The following ASTN1 variants were observed in gnomAD, a reference collection of about 807,000 sequenced individuals.
ASTN1 encodes the protein astrotactin 1.
A neutral mutation model predicts 140.7 loss-of-function variants in ASTN1; 41 were observed. That is an observed-to-expected ratio of 0.29 (90% CI 0.23 to 0.38). The LOEUF (loss-of-function observed/expected upper bound fraction) is 0.38, where lower values mean the gene tolerates loss of function less well. ASTN1 is among the 10% of genes least tolerant of loss of function. The pLI, the probability that ASTN1 is intolerant of heterozygous loss-of-function variation, is 1.00. For missense variants in ASTN1, 1,479 were observed against 1,678.8 expected (o/e 0.88, Z 2.08); for synonymous variants, 640 against 652.2 (o/e 0.98, Z 0.29).
chr1:177,050,685 T>C (rs1677497587), intron 2 of ASTN1, among the ~76,000 whole-genome samples: 1 of 152,198 alleles, frequency 6.6e-6, no homozygotes, highest in Non-Finnish European at 1.5e-5. Context: ...GTGTCACAGC[T>C]AATTTTATAA....
intron 1 of ASTN1, among the ~76,000 whole-genome samples, chr1:177,142,301 C>T (rs977098522): frequency 9.9e-5 from 15 of 151,262 alleles, no homozygotes; most frequent in Admixed American, 7.9e-4. Context: ...GCCTGTAGTA[C>T]CAGCAGTTGT....
chr1:176,903,867 T>C (rs1172103585), intron 16 of ASTN1, among the ~76,000 whole-genome samples: 2 of 152,126 alleles, frequency 1.3e-5, no homozygotes, highest in African/African-American at 2.4e-5. Flanking sequence ...TAGGGAAATA[T>C]CCTTCTTTGT....
chr1:177,093,941 C>A (rs937082501), intron 1 of ASTN1, among the ~76,000 whole-genome samples: 2 of 151,866 alleles, frequency 1.3e-5, no homozygotes, highest in Non-Finnish European at 2.9e-5. Flanking sequence ...GTTTTGGGTT[C>A]AGATCTACAT....
chr1:177,024,772 G>T (rs541109416), intron 5 of ASTN1, 40 bp from the exon 6 acceptor site: 1 of 1,595,766 alleles, frequency 6.3e-7, no homozygotes, highest in African/African-American at 1.3e-5. Flanking sequence ...GTGGTAAAAA[G>T]CTTGGCATTG....
At chr1:177,131,900 CA>C (rs1681961633) in intron 1 of ASTN1, among the ~76,000 whole-genome samples, 1 of 152,114 alleles carries the variant, frequency 6.6e-6, no homozygotes, top group African/African-American at 2.4e-5. Flanking sequence ...CTCTTTTTAA[CA>C]ATCAGCTTCT....
At chr1:176,964,966 A>G (rs775266977) in intron 9 of ASTN1, among the ~76,000 whole-genome samples, 197 bp downstream of exon 9, 3 of 152,174 alleles carry the variant, frequency 2.0e-5, no homozygotes, top group Non-Finnish European at 2.9e-5. Flanking sequence ...CCAGGGCCCA[A>G]ACAGAATCTG....
chr1:176,880,224 C>T (rs966588982), intron 20 of ASTN1, among the ~76,000 whole-genome samples: 17 of 152,320 alleles, frequency 1.1e-4, no homozygotes, highest in South Asian at 4.1e-4. Context: ...CGACACAGAA[C>T]AGCTCTGCTT....
At chr1:176,884,109 G>A (rs1668925561) in intron 19 of ASTN1, among the ~76,000 whole-genome samples, 1 of 152,136 alleles carries the variant, frequency 6.6e-6, no homozygotes, top group South Asian at 2.1e-4. Context: ...ATCAAAACAA[G>A]GCTTTGTCAG....
At chr1:177,126,315 G>A (rs1240586762) in intron 1 of ASTN1, among the ~76,000 whole-genome samples, 3 of 152,168 alleles carry the variant, frequency 2.0e-5, no homozygotes, top group Admixed American at 2.0e-4. Context: ...TGCTGCTTAG[G>A]AATAGCTACT....
intron 20 of ASTN1, among the ~76,000 whole-genome samples, chr1:176,877,149 G>C (rs971366111): frequency 2.6e-5 from 4 of 152,236 alleles, no homozygotes; most frequent in African/African-American, 9.6e-5. Flanking sequence ...GTGAATGCCT[G>C]TGAAATGGAG....
intron 14 of ASTN1, among the ~76,000 whole-genome samples, chr1:176,942,854 A>ATG (rs1671793308): frequency 1.1e-5 from 1 of 91,256 alleles, no homozygotes; most frequent in African/African-American, 3.9e-5. Context: ...ATATATATAT[A>ATG]TATATATATA....
At chr1:177,119,166 G>A (rs181230535) in intron 1 of ASTN1, among the ~76,000 whole-genome samples, 290 of 152,224 alleles carry the variant, frequency 1.9e-3, no homozygotes, top group African/African-American at 6.9e-3. Flanking sequence ...TTCTTTGGCT[G>A]TGTGTATTCC....
intron 8 of ASTN1, among the ~76,000 whole-genome samples, chr1:176,987,585 A>G (rs764120592): frequency 1.3e-5 from 2 of 152,210 alleles, no homozygotes; most frequent in Non-Finnish European, 2.9e-5. Context: ...CTCTCCTGTC[A>G]GGATCCATTG....
At chr1:176,867,678 G>C (rs1356483988) in intron 22 of ASTN1, among the ~76,000 whole-genome samples, 1 of 152,128 alleles carries the variant, frequency 6.6e-6, no homozygotes, top group African/African-American at 2.4e-5. Context: ...TATTTCAGGA[G>C]ATAAACCTAA....
At chr1:177,057,065 T>C (rs1677842232) in intron 2 of ASTN1, among the ~76,000 whole-genome samples, 1 of 152,216 alleles carries the variant, frequency 6.6e-6, no homozygotes, top group Non-Finnish European at 1.5e-5. Context: ...GTTTGAATCA[T>C]GCAAGGAGGT....
intron 1 of ASTN1, among the ~76,000 whole-genome samples, chr1:177,110,653 AC>A (rs1680782118): frequency 6.6e-6 from 1 of 152,222 alleles, no homozygotes; most frequent in African/African-American, 2.4e-5. Context: ...ATCTTCATTC[AC>A]AATGACCCAG....
chr1:177,024,845 GC>G, intron 5 of ASTN1, 113 bp from the exon 6 acceptor site: 1 of 1,178,326 alleles, frequency 8.5e-7, no homozygotes, highest in Non-Finnish European at 1.2e-6. Flanking sequence ...GGCAAAACTA[GC>G]CCATGGAGGG....
intron 21 of ASTN1, among the ~76,000 whole-genome samples, chr1:176,875,422 C>G (rs1201513302): frequency 6.6e-6 from 1 of 152,148 alleles, no homozygotes; most frequent in East Asian, 1.9e-4. Flanking sequence ...AAGAAGGGCC[C>G]TTGATATGAT....
chr1:177,023,498 G>T lies in ASTN1; in HGVS notation c.1344C>A (p.Leu448=). 6.2e-7 allele frequency: 1 copy of T among 1,612,712 alleles called. No homozygotes were observed. The highest frequency in any genetic ancestry group is 8.5e-7 in the Non-Finnish European group (1 of 1,179,502). The change falls in exon 7 of 23, where the codon CTC becomes CTA. Residue 448 remains leucine, a synonymous_variant. Coordinates refer to ENST00000361833, the MANE Select transcript of ASTN1 (RefSeq NM_004319.3). The part of the protein sequence containing the change: ...SDWLNPAQVV[L]FSQQNSSGPW... ...GTCCGCTGGAGTTCTGCTGAGAGAA[G>T]AGAACCACTTGGGCAGGGTTCAGCC...
Sources: gnomAD v4.1 joint callset for allele counts (sites outside exome capture counted in the v4.1 genomes callset) on GRCh38, gnomAD v4.1.1 for gene constraint, MANE v1.5 for transcripts, NCBI Gene and HGNC (gene_info 2026-07-23, HGNC 2026-07-21) for gene names.